Variants in GSTCD observed in about 807,000 individuals in gnomAD.
GSTCD encodes the protein glutathione S-transferase C-terminal domain containing.
A neutral mutation model predicts 68.3 loss-of-function variants in GSTCD; 44 were observed. The observed-to-expected ratio is 0.64, with a 90% CI of 0.51 to 0.83. The LOEUF (loss-of-function observed/expected upper bound fraction) is 0.83. GSTCD is among the 40% of genes least tolerant of loss of function. The pLI, the probability that GSTCD is intolerant of heterozygous loss-of-function variation, is 0.00. For synonymous variants in GSTCD, 273 were observed against 255.2 expected (o/e 1.07, Z -0.67); for missense variants, 739 against 735.9 (o/e 1.00, Z -0.05).
At chr4:105,727,901 A>G (rs1733095489) in intron 4 of GSTCD, among the ~76,000 whole-genome samples, 1 of 152,214 alleles carries the variant, frequency 6.6e-6, no homozygotes, top group Non-Finnish European at 1.5e-5. Flanking sequence ...GTTACACTGG[A>G]AAAATATTCA....
chr4:105,809,723 T>G (rs1213057559), intron 5 of GSTCD, among the ~76,000 whole-genome samples: 2 of 151,974 alleles, frequency 1.3e-5, no homozygotes, highest in Non-Finnish European at 2.9e-5. Flanking sequence ...ATTCTTAGTA[T>G]TCTATTAATG....
At chr4:105,821,745 G>A (rs1434963523) in intron 5 of GSTCD, among the ~76,000 whole-genome samples, 1 of 151,796 alleles carries the variant, frequency 6.6e-6, no homozygotes, top group African/African-American at 2.4e-5. Context: ...TTCATATTTT[G>A]TAATATAACA....
At chr4:105,734,641 C>T (rs1733390259) in intron 5 of GSTCD, among the ~76,000 whole-genome samples, 1 of 152,106 alleles carries the variant, frequency 6.6e-6, no homozygotes. Context: ...TCCTTTAGCT[C>T]AGAGAAGTTT....
Position 105,717,869 on chromosome 4 carries a change from C to A in GSTCD, c.256C>A (p.Gln86Lys). 6.2e-7 allele frequency: 1 copy of A among 1,614,040 alleles called. No individual in the cohort carries two copies. The highest frequency in any genetic ancestry group is 1.1e-5 in the South Asian group (1 of 91,082). ...ISRQELPPIV[Q>K]NCCLPAVVER... ...AAGGCAGGAGCTCCCACCAATAGTC[C>A]AAAATTGCTGTTTGCCTGCAGTAGT... The change falls in exon 2 of 12, where the codon CAA becomes AAA. Residue 86 changes from glutamine to lysine, a missense_variant. Coordinates refer to ENST00000515279, the MANE Select transcript of GSTCD (RefSeq NM_001370181.1).
rs533860499 is a variant in GSTCD, at chr4:105,747,216, C to T, written c.1240+17717C>T. On this transcript the variant is annotated intron_variant, in intron 5 of 11. Coordinates refer to ENST00000515279, the MANE Select transcript of GSTCD (RefSeq NM_001370181.1). Reference sequence around the variant, plus strand: ...GGTCTGATCCACAATGTCAGTAATGCTCTCCTTTGCAGGGAATCCAAAACA... The same window carrying T: ...GGTCTGATCCACAATGTCAGTAATGTTCTCCTTTGCAGGGAATCCAAAACA... Among the ~76,000 whole-genome samples, 9 of 152,368 alleles carry T rather than the reference C, an allele frequency of 5.9e-5. No homozygotes were observed. In the East Asian group the frequency reaches 1.5e-3, roughly 26 times the overall value.
rs1724589863 is a variant in GSTCD, at chr4:105,847,339, G to A, written c.*1762G>A. On this transcript the variant is annotated 3_prime_UTR_variant, in exon 12 of 12. Coordinates refer to ENST00000515279, the MANE Select transcript of GSTCD (RefSeq NM_001370181.1). Reference sequence around the variant, plus strand: ...GACATATTGGAATCGTGTTTTCTGGGATAAAATTTTTAAAAAGAATTAATC... The same window carrying A: ...GACATATTGGAATCGTGTTTTCTGGAATAAAATTTTTAAAAAGAATTAATC... 1 of 152,092 alleles carries A rather than the reference G, an allele frequency of 6.6e-6. No individual in the cohort carries two copies. The highest frequency in any genetic ancestry group is 1.5e-5 in the Non-Finnish European group (1 of 68,016). 9.4% of individuals were successfully genotyped at this position (152,092 alleles called of 1,614,324 possible).
intron 11 of GSTCD, 38 bp downstream of exon 11, chr4:105,842,172 GC>G: frequency 6.6e-7 from 1 of 1,512,320 alleles, no homozygotes; most frequent in Non-Finnish European, 9.2e-7. Context: ...AGTGTATTAT[GC>G]ACAATATGAC....
At chr4:105,715,862 T>A (rs1318316549) in intron 1 of GSTCD, among the ~76,000 whole-genome samples, 1 of 152,076 alleles carries the variant, frequency 6.6e-6, no homozygotes, top group Non-Finnish European at 1.5e-5. Flanking sequence ...TGGTGAATAC[T>A]TTTAAAGAGT....
chr4:105,721,424 G>A (rs1458720076), intron 3 of GSTCD, among the ~76,000 whole-genome samples: 2 of 152,060 alleles, frequency 1.3e-5, no homozygotes, highest in African/African-American at 4.8e-5. Context: ...TTCAACATCC[G>A]TAATCAAGGT....
At chr4:105,711,653 T>G (rs1732540699) in intron 1 of GSTCD, among the ~76,000 whole-genome samples, 1 of 152,240 alleles carries the variant, frequency 6.6e-6, no homozygotes, top group South Asian at 2.1e-4. Flanking sequence ...TAGGTACAGT[T>G]ATTATTGTCT....
intron 5 of GSTCD, among the ~76,000 whole-genome samples, chr4:105,819,768 G>A (rs367821660): frequency 5.9e-5 from 9 of 151,404 alleles, no homozygotes; most frequent in East Asian, 5.8e-4. Flanking sequence ...TAAAAGAGTG[G>A]TGTATACAAC....
rs188560757 is a variant in GSTCD, at chr4:105,747,590, C to T, written c.1240+18091C>T. On this transcript the variant is annotated intron_variant, in intron 5 of 11. Coordinates refer to ENST00000515279, the MANE Select transcript of GSTCD (RefSeq NM_001370181.1). ...CCAAATATTTCTTTAAAACTTAATT[C>T]TTTTTCTGTTTTTAGCAAAGAGTAA... Among the ~76,000 whole-genome samples the T allele has an allele frequency of 7.3e-3, 1,113 of 152,194 alleles. 2 individuals are homozygous for T. Among genetic ancestry groups the T allele is most frequent in the Non-Finnish European group, 0.011 (740 of 68,004 alleles).
rs376690441 is a variant in GSTCD, at chr4:105,825,709, G to T, written c.1439G>T (p.Arg480Leu). 8 of 1,516,934 alleles carry T rather than the reference G, an allele frequency of 5.3e-6. No individual in the cohort carries two copies. Among genetic ancestry groups the T allele is most frequent in the Non-Finnish European group, 7.3e-6 (8 of 1,093,966 alleles). 94.0% of individuals were successfully genotyped at this position (1,516,934 alleles called of 1,614,324 possible). Residue 480 changes from arginine (R) to leucine (L), a missense_variant, in exon 8 of 12, where the codon CGT becomes CTT. Arg to Leu is a moderately radical substitution (Grantham distance 102). Transcript: ENST00000515279. Reference sequence around the variant, plus strand: ...GAAAACAAGGAATTATCATTAATTCGTGCTAAGAAGAGAAGTGATGAACTG... The same window carrying T: ...GAAAACAAGGAATTATCATTAATTCTTGCTAAGAAGAGAAGTGATGAACTG... ...LIENKELSLI[R>L]AKKRSDELGL...
intron 1 of GSTCD, 100 bp downstream of exon 1, chr4:105,709,116 G>A (rs1409346373): frequency 2.0e-5 from 3 of 152,396 alleles, no homozygotes; most frequent in Non-Finnish European, 4.4e-5. Flanking sequence ...GCGGGGGAAG[G>A]GTGGGAAGGA....
intron 5 of GSTCD, among the ~76,000 whole-genome samples, chr4:105,742,057 G>C (rs1184345502): frequency 6.6e-6 from 1 of 152,056 alleles, no homozygotes; most frequent in Non-Finnish European, 1.5e-5. Context: ...ATTGGTACTT[G>C]GTTCATTTGG....
chr4:105,769,584 C>G (rs1236701046), intron 5 of GSTCD, among the ~76,000 whole-genome samples: 1 of 151,996 alleles, frequency 6.6e-6, no homozygotes, highest in Non-Finnish European at 1.5e-5. Context: ...TTTTCTCTTC[C>G]TAGAATCTCC....
chr4:105,782,528 A>G (rs1217831784), intron 5 of GSTCD, among the ~76,000 whole-genome samples: 5 of 152,090 alleles, frequency 3.3e-5, no homozygotes, highest in African/African-American at 9.7e-5. Context: ...ACCAAAAAAC[A>G]GGAGAAAGAT....
intron 5 of GSTCD, among the ~76,000 whole-genome samples, chr4:105,806,255 T>G (rs1396400017): frequency 2.0e-5 from 3 of 152,122 alleles, no homozygotes; most frequent in African/African-American, 7.2e-5. Context: ...AAAATAGGTA[T>G]CTGACTGTGG....
At chr4:105,727,625 C>T (rs1733085123) in intron 4 of GSTCD, among the ~76,000 whole-genome samples, 1 of 148,484 alleles carries the variant, frequency 6.7e-6, no homozygotes, top group African/African-American at 2.5e-5. Flanking sequence ...TTTATTTTTA[C>T]TTTAATCTTT....
Sources: gnomAD v4.1 joint callset for allele counts (sites outside exome capture counted in the v4.1 genomes callset) on GRCh38, gnomAD v4.1.1 for gene constraint, MANE v1.5 for transcripts, NCBI Gene and HGNC (gene_info 2026-07-23, HGNC 2026-07-21) for gene names.